Variants in LHFPL3 observed in about 807,000 individuals in gnomAD.
LHFPL3 encodes LHFPL tetraspan subfamily member 3 protein.
A neutral mutation model predicts 19.3 loss-of-function variants in LHFPL3; 5 were observed. The ratio of observed to expected loss-of-function variants is 0.26; its 90% confidence interval spans 0.14 to 0.54. The LOEUF is 0.54. Ranked by LOEUF, LHFPL3 falls within the 20% of genes least tolerant of loss-of-function variation. LHFPL3 has a pLI of 0.94. For synonymous variants in LHFPL3, 133 were observed against 126.2 expected, an observed-to-expected ratio of 1.05 and a Z score of -0.36; for missense variants, 249 against 307.4, an observed-to-expected ratio of 0.81 and a Z score of 1.42.
At chr7:104,746,952 T>G (rs1384855213) in intron 2 of LHFPL3, among the ~76,000 whole-genome samples, 4 of 152,232 alleles carry the variant, frequency 2.6e-5, no homozygotes, top group African/African-American at 9.6e-5. Flanking sequence ...GGAGGCCTCA[T>G]GAAGATCTGG....
intron 1 of LHFPL3, among the ~76,000 whole-genome samples, chr7:104,595,162 C>T (rs1790819183): frequency 6.6e-6 from 1 of 152,196 alleles, no homozygotes; most frequent in Non-Finnish European, 1.5e-5. Flanking sequence ...CTGGTTTCTC[C>T]CCATCTTTGT....
intron 1 of LHFPL3, among the ~76,000 whole-genome samples, chr7:104,562,657 C>T (rs557721417): frequency 4.0e-5 from 6 of 151,746 alleles, no homozygotes; most frequent in Admixed American, 2.6e-4. Context: ...GTAATTTGGT[C>T]GTCTGAAGCC....
intron 2 of LHFPL3, among the ~76,000 whole-genome samples, chr7:104,853,817 A>C (rs1791453731): frequency 6.6e-6 from 1 of 152,304 alleles, no homozygotes; most frequent in South Asian, 2.1e-4. Context: ...TGACTTGGAG[A>C]TAATCATCTT....
chr7:104,841,061 T>C (rs1188039085), intron 2 of LHFPL3, among the ~76,000 whole-genome samples: 3 of 152,180 alleles, frequency 2.0e-5, no homozygotes, highest in Non-Finnish European at 4.4e-5. Flanking sequence ...TCGTGTCCGT[T>C]GGCTCATAGC....
intron 1 of LHFPL3, among the ~76,000 whole-genome samples, chr7:104,409,891 C>A (rs894857666): frequency 6.6e-6 from 1 of 151,946 alleles, no homozygotes; most frequent in Non-Finnish European, 1.5e-5. Context: ...CAATTGCTCT[C>A]CTGCCCACTT....
chr7:104,585,566 A>G (rs61176509), intron 1 of LHFPL3, among the ~76,000 whole-genome samples: 4,910 of 151,136 alleles, frequency 0.032, 277 homozygotes, highest in African/African-American at 0.11. Context: ...AAGCCTTTGC[A>G]TGGTGAGGAT....
chr7:104,600,950 T>G (rs1482797439), intron 1 of LHFPL3, among the ~76,000 whole-genome samples: 1 of 152,208 alleles, frequency 6.6e-6, no homozygotes, highest in Non-Finnish European at 1.5e-5. Flanking sequence ...CACTGCAGTC[T>G]GTGAGCTGGG....
rs890253568 is a variant in LHFPL3 at position 104,687,253 on chromosome 7, A to C, written c.446-49422A>C. 7.4e-4 allele frequency among the ~76,000 whole-genome samples: 113 copies of C among 152,352 alleles called. 4 individuals are homozygous for C. The highest frequency in any genetic ancestry group is 4.4e-5 in the Non-Finnish European group (3 of 68,024). ...ATGAATAGCAAGATGGAAGAGATGC[A>C]TAGGGCAAGGTATGGGAGAAGGGAC... On this transcript the variant is annotated intron_variant, in intron 1 of 2. Transcript: ENST00000424859.
chr7:104,520,862 C>T (rs577630592), intron 1 of LHFPL3, among the ~76,000 whole-genome samples: 15,803 of 148,700 alleles, frequency 0.11, 1,011 homozygotes, highest in East Asian at 0.14. Flanking sequence ...GTCTTGCTAG[C>T]GGTCTATCAA....
At chr7:104,894,866 G>A (rs1404800133) in intron 2 of LHFPL3, 1 of 152,174 alleles carries the variant, frequency 6.6e-6, no homozygotes, top group Non-Finnish European at 1.5e-5. Context: ...GCCACATCTA[G>A]GAAGTAGCCA....
At chr7:104,357,775 CT>C (rs1790310244) in intron 1 of LHFPL3, among the ~76,000 whole-genome samples, 1 of 151,168 alleles carries the variant, frequency 6.6e-6, no homozygotes, top group African/African-American at 2.5e-5. Context: ...CCTCCTCCTC[CT>C]TCTCCTGCTC....
intron 1 of LHFPL3, among the ~76,000 whole-genome samples, chr7:104,597,509 C>T (rs183430846): frequency 1.3e-5 from 2 of 152,264 alleles, no homozygotes; most frequent in Non-Finnish European, 2.9e-5. Flanking sequence ...CTATATTATA[C>T]ATCTCTACTT....
chr7:104,450,571 CAG>C (rs1345919142), intron 1 of LHFPL3, among the ~76,000 whole-genome samples: 4 of 151,626 alleles, frequency 2.6e-5, no homozygotes, highest in Non-Finnish European at 4.4e-5. Context: ...CAGGGCCTGA[CAG>C]GGGGTGGGGG....
chr7:104,410,452 T>C (rs1005326062), intron 1 of LHFPL3, among the ~76,000 whole-genome samples: 4 of 152,206 alleles, frequency 2.6e-5, no homozygotes, highest in African/African-American at 7.2e-5. Context: ...GTTTTACCCA[T>C]TGAAGAATCT....
intron 1 of LHFPL3, among the ~76,000 whole-genome samples, chr7:104,332,817 T>C (rs1001673656): frequency 3.3e-5 from 5 of 152,092 alleles, no homozygotes; most frequent in Non-Finnish European, 7.4e-5. Flanking sequence ...ATACTATCTT[T>C]GGATGTCATC....
chr7:104,366,470 G>A (rs1790497824), intron 1 of LHFPL3, among the ~76,000 whole-genome samples: 1 of 152,186 alleles, frequency 6.6e-6, no homozygotes, highest in South Asian at 2.1e-4. Flanking sequence ...GGCAGAAGAT[G>A]AAGACAGAAA....
chr7:104,741,765 A>C lies in LHFPL3; in HGVS notation c.682+4854A>C, dbSNP rs983410112. On this transcript the variant is annotated intron_variant, in intron 2 of 2. Coordinates refer to ENST00000424859, the MANE Select transcript of LHFPL3 (RefSeq NM_199000.3). The stretch of plus-strand genomic sequence containing the variant: ...AGACAGGGTACCCAGGCTGGCCTCA[A>C]ACTCCCGGTTTCAAGGGATCCTCCT... Among the ~76,000 whole-genome samples the C allele has an allele frequency of 3.1e-4, 47 of 152,044 alleles. 1 individual carries two copies. Among genetic ancestry groups the C allele is most frequent in the Non-Finnish European group, 8.8e-5 (6 of 67,996 alleles).
At chr7:104,433,152 TTATTA>T (rs1338390003) in intron 1 of LHFPL3, among the ~76,000 whole-genome samples, 1 of 152,200 alleles carries the variant, frequency 6.6e-6, no homozygotes, top group Non-Finnish European at 1.5e-5. Flanking sequence ...TTCTTTTATT[TTATTA>T]TATTTGGATG....
chr7:104,903,330 A>G (rs1405324648), intron 2 of LHFPL3, among the ~76,000 whole-genome samples: 1 of 152,160 alleles, frequency 6.6e-6, no homozygotes. Flanking sequence ...AGGCTTTTCT[A>G]TTATGAAATT....
Sources: gnomAD v4.1 joint callset for allele counts (sites outside exome capture counted in the v4.1 genomes callset) on GRCh38, gnomAD v4.1.1 for gene constraint, MANE v1.5 for transcripts, NCBI Gene and HGNC (gene_info 2026-07-23, HGNC 2026-07-21) for gene names.